CCSER1: variants seen among roughly 807,000 people sequenced by gnomAD.
CCSER1 encodes serine-rich coiled-coil domain-containing protein 1.
CCSER1 carries 41 observed loss-of-function variants against 82.0 expected under a neutral mutation model. The ratio of observed to expected loss-of-function variants is 0.50; its 90% CI spans 0.39 to 0.65. The LOEUF is 0.65. CCSER1 is among the 30% of genes least tolerant of loss of function. The pLI is 0.00. For synonymous variants in CCSER1, 414 were observed against 383.9 expected (o/e 1.08, Z -0.92); for missense variants, 1,119 against 1,064.2 (o/e 1.05, Z -0.72).
intron 10 of CCSER1, among the ~76,000 whole-genome samples, chr4:91,377,030 G>A (rs1750468824): frequency 1.3e-5 from 2 of 151,822 alleles, no homozygotes; most frequent in South Asian, 2.1e-4. Flanking sequence ...ATAGTTTGCT[G>A]AGAATGACGG....
intron 10 of CCSER1, among the ~76,000 whole-genome samples, chr4:91,264,347 T>C (rs1741413437): frequency 6.6e-6 from 1 of 151,822 alleles, no homozygotes; most frequent in African/African-American, 2.4e-5. Context: ...TAGTATTAGG[T>C]AGGTACTTCA....
intron 10 of CCSER1, among the ~76,000 whole-genome samples, chr4:91,193,337 T>C (rs2149052198): frequency 6.6e-6 from 1 of 152,310 alleles, no homozygotes; most frequent in Non-Finnish European, 1.5e-5. Context: ...ATGTTGTATA[T>C]CACTTATTCA....
chr4:91,168,724 G>T (rs1349829506), intron 10 of CCSER1, among the ~76,000 whole-genome samples: 1 of 152,080 alleles, frequency 6.6e-6, no homozygotes, highest in African/African-American at 2.4e-5. Flanking sequence ...ATCGAGAATG[G>T]GCCATGATGA....
At chr4:90,489,124 G>A (rs533640092) in intron 5 of CCSER1, among the ~76,000 whole-genome samples, 3 of 152,180 alleles carry the variant, frequency 2.0e-5, no homozygotes, top group African/African-American at 7.2e-5. Context: ...AGTTTTCTCT[G>A]ATAACAAAAG....
chr4:90,284,670 T>G (rs996766814), intron 1 of CCSER1, among the ~76,000 whole-genome samples: 1 of 150,264 alleles, frequency 6.7e-6, no homozygotes, highest in African/African-American at 2.4e-5. Context: ...ATTTTTGTAT[T>G]TTTCATAGAG....
intron 8 of CCSER1, among the ~76,000 whole-genome samples, chr4:90,836,616 T>C (rs1761837023): frequency 6.6e-6 from 1 of 152,210 alleles, no homozygotes; most frequent in Non-Finnish European, 1.5e-5. Flanking sequence ...GATTTTCTTC[T>C]AGGAAGTTGT....
intron 10 of CCSER1, among the ~76,000 whole-genome samples, chr4:91,164,995 T>C (rs1731876391): frequency 6.6e-6 from 1 of 152,234 alleles, no homozygotes; most frequent in African/African-American, 2.4e-5. Context: ...CTGTGATCCT[T>C]TGAAGGAGAA....
At chr4:90,709,838 T>C (rs1740164311) in intron 6 of CCSER1, among the ~76,000 whole-genome samples, 1 of 152,178 alleles carries the variant, frequency 6.6e-6, no homozygotes, top group Admixed American at 6.5e-5. Context: ...TTTCTGCCTC[T>C]AGGTCTTTGA....
chr4:90,589,240 TG>T (rs750989258), intron 5 of CCSER1, among the ~76,000 whole-genome samples: 4 of 152,164 alleles, frequency 2.6e-5, no homozygotes, highest in Non-Finnish European at 2.9e-5. Flanking sequence ...AGGATTTTTT[TG>T]GGTAATGGTT....
intron 9 of CCSER1, among the ~76,000 whole-genome samples, chr4:91,046,458 A>G (rs932466859): frequency 4.6e-5 from 7 of 152,126 alleles, no homozygotes; most frequent in African/African-American, 1.7e-4. Flanking sequence ...ATTCAAATTG[A>G]ACTACTTTCT....
chr4:90,748,943 T>C (rs1748052785), intron 7 of CCSER1, among the ~76,000 whole-genome samples: 1 of 150,894 alleles, frequency 6.6e-6, no homozygotes, highest in Non-Finnish European at 1.5e-5. Flanking sequence ...ATTAGCCCTT[T>C]GTCAGATGAG....
intron 5 of CCSER1, among the ~76,000 whole-genome samples, chr4:90,587,641 T>C (rs1055152751): frequency 1.3e-5 from 2 of 152,244 alleles, no homozygotes; most frequent in African/African-American, 4.8e-5. Flanking sequence ...GTTAATAAAC[T>C]GGATCCTAGA....
rs1427550753 is a variant in CCSER1, at chr4:90,933,022, AAGAAAGAAAG to A, written c.2172+9577_2172+9586del. On this transcript the variant is annotated intron_variant, in intron 9 of 10. Coordinates refer to ENST00000509176, the MANE Select transcript of CCSER1 (RefSeq NM_001145065.2). ...AAAGAAAGAAAGAAAGAAAGAAAGA[AAGAAAGAAAG>A]AAAGAAAGAAAGAGAAGGAAGGAAC... Among the ~76,000 whole-genome samples the A allele has an allele frequency of 9.4e-5, 9 of 95,518 alleles. 1 individual carries two copies. The highest frequency in any genetic ancestry group is 1.6e-4 in the Non-Finnish European group (8 of 49,258). 62.7% of individuals were successfully genotyped at this position (95,518 alleles called of 152,430 possible).
chr4:90,539,629 G>A (rs966271118), intron 5 of CCSER1, among the ~76,000 whole-genome samples: 4 of 151,954 alleles, frequency 2.6e-5, no homozygotes, highest in African/African-American at 4.8e-5. Flanking sequence ...ACAGAGTCTG[G>A]CAAATAAATG....
intron 1 of CCSER1, among the ~76,000 whole-genome samples, chr4:90,255,665 A>C (rs1448373735): frequency 1.3e-5 from 2 of 152,172 alleles, no homozygotes; most frequent in African/African-American, 4.8e-5. Flanking sequence ...TACAGAATAG[A>C]TATCTAGCCT....
chr4:91,474,934 G>T (rs1230668466), intron 10 of CCSER1, among the ~76,000 whole-genome samples: 1 of 151,344 alleles, frequency 6.6e-6, no homozygotes, highest in Non-Finnish European at 1.5e-5. Flanking sequence ...ATTTATCATT[G>T]CATGTTTATT....
At position 90,491,686 on chromosome 4, in the gene CCSER1, G is replaced by A. The variant is rs193093152; in HGVS notation, c.1724+23332G>A. Among the ~76,000 whole-genome samples, 82 of 152,212 alleles carry A rather than the reference G, an allele frequency of 5.4e-4. No homozygotes were observed. In the East Asian group the frequency reaches 0.014, roughly 25 times the overall value. On this transcript the variant is annotated intron_variant, in intron 5 of 10. Coordinates refer to ENST00000509176, the MANE Select transcript of CCSER1 (RefSeq NM_001145065.2). ...AATAGCTCTTATTATTTTGAGAGAC[G>A]TCCCACCAATACCTAATTTATTGAG...
chr4:91,164,541 A>G (rs959737006), intron 10 of CCSER1, among the ~76,000 whole-genome samples: 19 of 152,078 alleles, frequency 1.2e-4, no homozygotes, highest in African/African-American at 4.3e-4. Flanking sequence ...ACTTGGTTCC[A>G]TTCTCCCCGT....
At chr4:91,515,863 C>CTTTTTTTT (rs60522453) in intron 10 of CCSER1, among the ~76,000 whole-genome samples, 2 of 135,044 alleles carry the variant, frequency 1.5e-5, no homozygotes, top group Non-Finnish European at 1.6e-5. Flanking sequence ...GCCAGCATCT[C>CTTTTTTTT]TTTTTTTTTT....
Sources: gnomAD v4.1 joint callset for allele counts (sites outside exome capture counted in the v4.1 genomes callset) on GRCh38, gnomAD v4.1.1 for gene constraint, MANE v1.5 for transcripts, NCBI Gene and HGNC (gene_info 2026-07-23, HGNC 2026-07-21) for gene names.